DPP10: variants seen among roughly 807,000 people sequenced by gnomAD.
DPP10 encodes the protein inactive dipeptidyl peptidase 10.
DPP10 carries 33 observed loss-of-function variants against 120.9 expected under a neutral mutation model. That is an observed-to-expected ratio of 0.27 (90% CI 0.21 to 0.37). The LOEUF (loss-of-function observed/expected upper bound fraction) is 0.37, where lower values mean the gene tolerates loss of function less well. Among genes scored for constraint, DPP10 ranks in the 10% least tolerant of loss-of-function variants. The pLI, the probability that DPP10 is intolerant of heterozygous loss-of-function variation, is 1.00. For missense variants in DPP10, 816 were observed against 942.8 expected (o/e 0.87, Z 1.76); for synonymous variants, 337 against 326.1 (o/e 1.03, Z -0.36).
intron 1 of DPP10, among the ~76,000 whole-genome samples, chr2:115,195,580 T>G (rs2055199066): frequency 6.6e-6 from 1 of 152,256 alleles, no homozygotes; most frequent in Non-Finnish European, 1.5e-5. Context: ...TTTGACTATA[T>G]GTACCCAGAA....
At chr2:114,809,600 G>A (rs1558763527) in intron 1 of DPP10, among the ~76,000 whole-genome samples, 1 of 152,160 alleles carries the variant, frequency 6.6e-6, no homozygotes, top group Non-Finnish European at 1.5e-5. Context: ...AGTTAATTAT[G>A]CAAATTTGGA....
At chr2:114,444,522 A>G (rs971869758) in intron 1 of DPP10, among the ~76,000 whole-genome samples, 1 of 152,028 alleles carries the variant, frequency 6.6e-6, no homozygotes, top group African/African-American at 2.4e-5. Context: ...GAGACTTCAA[A>G]TCACTTCCTT....
At chr2:115,649,667 C>T (rs1482093321) in intron 5 of DPP10, among the ~76,000 whole-genome samples, 1 of 151,974 alleles carries the variant, frequency 6.6e-6, no homozygotes, top group Non-Finnish European at 1.5e-5. Context: ...CATTCTATTA[C>T]CAAGTGGATT....
intron 1 of DPP10, among the ~76,000 whole-genome samples, chr2:114,556,337 T>C (rs891864163): frequency 6.7e-6 from 1 of 149,504 alleles, no homozygotes; most frequent in Non-Finnish European, 1.5e-5. Flanking sequence ...TAGATAGATG[T>C]AGACCTGACA....
At chr2:115,761,186 G>A (rs1680075706) in intron 11 of DPP10, among the ~76,000 whole-genome samples, 1 of 151,406 alleles carries the variant, frequency 6.6e-6, no homozygotes, top group Admixed American at 6.6e-5. Context: ...TGGGGAGAAT[G>A]GCTTGAGGCT....
chr2:114,700,296 A>G (rs1700313146), intron 1 of DPP10, among the ~76,000 whole-genome samples: 1 of 152,054 alleles, frequency 6.6e-6, no homozygotes, highest in Non-Finnish European at 1.5e-5. Flanking sequence ...GTATCATCCT[A>G]TGGAGATACC....
chr2:115,419,371 T>A (rs1024524376), intron 3 of DPP10, among the ~76,000 whole-genome samples: 9 of 151,992 alleles, frequency 5.9e-5, no homozygotes, highest in African/African-American at 1.2e-4. Flanking sequence ...AAGTTTTCAG[T>A]CATGGCAGAA....
At chr2:115,119,406 A>G (rs114844360) in intron 1 of DPP10, among the ~76,000 whole-genome samples, 51 of 152,300 alleles carry the variant, frequency 3.3e-4, no homozygotes, top group African/African-American at 1.2e-3. Context: ...TGTTTTAGCA[A>G]GACAGATTAA....
chr2:115,706,307 G>C (rs773631618), intron 7 of DPP10, among the ~76,000 whole-genome samples: 2 of 151,576 alleles, frequency 1.3e-5, no homozygotes, highest in African/African-American at 2.4e-5. Flanking sequence ...AAATAATAAG[G>C]TATTTGTAAT....
At chr2:115,797,924 T>A (rs1292231925) in intron 19 of DPP10, among the ~76,000 whole-genome samples, 1 of 147,126 alleles carries the variant, frequency 6.8e-6, no homozygotes, top group African/African-American at 2.5e-5. Context: ...TTAACTGGAA[T>A]ATATATATAT....
At chr2:114,797,592 G>A (rs1156792437) in intron 1 of DPP10, among the ~76,000 whole-genome samples, 1 of 152,174 alleles carries the variant, frequency 6.6e-6, no homozygotes, top group Non-Finnish European at 1.5e-5. Context: ...ACCAATGTTT[G>A]AACAACTAGA....
At chr2:115,709,009 A>G (rs1302825585) in intron 7 of DPP10, among the ~76,000 whole-genome samples, 2 of 152,098 alleles carry the variant, frequency 1.3e-5, no homozygotes, top group East Asian at 1.9e-4. Context: ...CAAATTCAGC[A>G]ATAAACTCTG....
At chr2:114,571,600 T>G (rs554096415) in intron 1 of DPP10, among the ~76,000 whole-genome samples, 1 of 152,048 alleles carries the variant, frequency 6.6e-6, no homozygotes, top group African/African-American at 2.4e-5. Context: ...CTAAAACTTA[T>G]GGAGGGAACC....
At chr2:115,187,669 A>G (rs1295587772) in intron 1 of DPP10, among the ~76,000 whole-genome samples, 1 of 152,128 alleles carries the variant, frequency 6.6e-6, no homozygotes, top group Admixed American at 6.5e-5. Context: ...AGCAGCTGGG[A>G]AGCAGGGATG....
At chr2:115,364,410 C>A (rs1376235993) in intron 3 of DPP10, among the ~76,000 whole-genome samples, 1 of 152,056 alleles carries the variant, frequency 6.6e-6, no homozygotes, top group Admixed American at 6.6e-5. Context: ...CCAAGACTTG[C>A]CATACCAAGT....
At chr2:114,897,194 T>C (rs1024959743) in intron 1 of DPP10, among the ~76,000 whole-genome samples, 20 of 152,224 alleles carry the variant, frequency 1.3e-4, no homozygotes, top group Admixed American at 9.2e-4. Context: ...GGTCTAAAAT[T>C]CAATTTTTTG....
chr2:115,176,119 A>G (rs542128373), intron 1 of DPP10, among the ~76,000 whole-genome samples: 226 of 152,264 alleles, frequency 1.5e-3, no homozygotes, highest in African/African-American at 5.0e-3. Context: ...GATGAGTCAG[A>G]TGAGCCTGTA....
intron 1 of DPP10, among the ~76,000 whole-genome samples, chr2:115,150,640 A>G (rs1253377302): frequency 1.3e-5 from 2 of 152,198 alleles, no homozygotes; most frequent in African/African-American, 4.8e-5. Flanking sequence ...GTCTTATTCT[A>G]CTATCACTAA....
At chr2:115,535,669 T>A (rs1299485753) in intron 5 of DPP10, among the ~76,000 whole-genome samples, 3 of 150,432 alleles carry the variant, frequency 2.0e-5, no homozygotes, top group African/African-American at 7.3e-5. Flanking sequence ...GGTAGCTTGA[T>A]GGGGATGGCA....
Sources: allele counts gnomAD v4.1 joint callset (sites outside exome capture counted in the v4.1 genomes callset), GRCh38; gene constraint gnomAD v4.1.1; transcripts MANE v1.5; gene names NCBI Gene and HGNC (gene_info 2026-07-23, HGNC 2026-07-21).